Variants in MYO9A observed in about 807,000 individuals in gnomAD.
MYO9A encodes the protein unconventional myosin-IXa.
A neutral mutation model predicts 293.3 loss-of-function variants in MYO9A; 103 were observed. The ratio of observed to expected loss-of-function variants is 0.35; its 90% CI spans 0.30 to 0.41. The LOEUF (loss-of-function observed/expected upper bound fraction) is 0.41. Among genes scored for constraint, MYO9A ranks in the 10% least tolerant of loss-of-function variants. The pLI is 1.00. For missense variants in MYO9A, 2,685 were observed against 3,033.0 expected (o/e 0.89, Z 2.69); for synonymous variants, 1,001 against 1,035.7 (o/e 0.97, Z 0.64).
chr15:71,941,464 C>A (rs550024958), intron 15 of MYO9A, among the ~76,000 whole-genome samples: 1 of 152,198 alleles, frequency 6.6e-6, no homozygotes, highest in East Asian at 1.9e-4. Context: ...ACAACAAACC[C>A]ATCAGATCCC....
intron 19 of MYO9A, among the ~76,000 whole-genome samples, chr15:71,913,531 A>C (rs1282519988): frequency 1.3e-5 from 2 of 152,158 alleles, no homozygotes; most frequent in Non-Finnish European, 2.9e-5. Context: ...AGCTAATTTG[A>C]CATTCTTACT....
intron 1 of MYO9A, among the ~76,000 whole-genome samples, chr15:72,062,255 A>C (rs997803733): frequency 6.6e-6 from 1 of 152,216 alleles, no homozygotes; most frequent in Non-Finnish European, 1.5e-5. Context: ...AAGCCCAGAC[A>C]GCAAAGGTTA....
Position 71,991,501 on chromosome 15 carries a change from T to C in MYO9A, c.1588-264A>G, listed in dbSNP as rs577462603. Among the ~76,000 whole-genome samples, 35 of 152,296 alleles carry C rather than the reference T, an allele frequency of 2.3e-4. 1 individual carries two copies. In the East Asian group the frequency reaches 4.8e-3, roughly 21 times the overall value. On this transcript the variant is annotated intron_variant, in intron 10 of 41. Coordinates refer to ENST00000356056, the MANE Select transcript of MYO9A (RefSeq NM_006901.4). The stretch of plus-strand genomic sequence containing the variant: ...AATATGTGAAGCAAGGTTAGTGGCC[T>C]TTTATCTTAAGAAACCTCAGAAATC...
At chr15:71,906,644 G>T (rs1374760010) in intron 19 of MYO9A, among the ~76,000 whole-genome samples, 1 of 148,224 alleles carries the variant, frequency 6.7e-6, no homozygotes, top group Non-Finnish European at 1.5e-5. Context: ...TTGTTCGCAT[G>T]GTTTATTTTT....
rs372262938 is a variant in MYO9A at position 72,046,007 on chromosome 15, A to G, written c.557T>C (p.Ile186Thr). The change falls in exon 2 of 42, where the codon ATT (isoleucine) becomes ACT (threonine). Residue 186 changes from isoleucine to threonine, a missense_variant. By Grantham distance (89) the Ile-to-Thr change is moderately conservative (BLOSUM62 -1). This residue lies in a region of MYO9A where 289 missense variants were observed against 456.8 expected (regional missense o/e 0.63). Transcript: ENST00000356056. ...AATAGGAAGAAACTTGAATGGGTTAATAACTATTAGAATACTGCCAACATA... is the reference window on the plus strand; with the variant it reads ...AATAGGAAGAAACTTGAATGGGTTAGTAACTATTAGAATACTGCCAACATA... Reference protein sequence around the residue: ...YTYVGSILIVINPFKFLPIYN... With the variant: ...YTYVGSILIVTNPFKFLPIYN... The G allele has an allele frequency of 2.2e-5, 36 of 1,614,136 alleles. No individual in the cohort carries two copies. Among genetic ancestry groups the G allele is most frequent in the Admixed American group, 8.3e-5 (5 of 60,022 alleles).
chr15:72,017,550 T>C (rs1396614701), intron 6 of MYO9A, among the ~76,000 whole-genome samples: 1 of 152,192 alleles, frequency 6.6e-6, no homozygotes, highest in Non-Finnish European at 1.5e-5. Context: ...TCAGAATCTA[T>C]AAATTTATAT....
chr15:72,051,209 T>C (rs1191890290), intron 1 of MYO9A, among the ~76,000 whole-genome samples: 2 of 152,146 alleles, frequency 1.3e-5, no homozygotes, highest in Non-Finnish European at 2.9e-5. Context: ...GGACTGTAAG[T>C]GCATGCCACC....
chr15:72,012,197 GTTCT>G (rs1246101355), intron 6 of MYO9A, among the ~76,000 whole-genome samples: 1 of 152,122 alleles, frequency 6.6e-6, no homozygotes, highest in Admixed American at 6.5e-5. Context: ...CACAAGTAAA[GTTCT>G]TTCTGAGAAC....
At chr15:72,044,907 T>C (rs945802121) in intron 2 of MYO9A, among the ~76,000 whole-genome samples, 2 of 152,138 alleles carry the variant, frequency 1.3e-5, no homozygotes, top group African/African-American at 4.8e-5. Context: ...CCCAAAGACA[T>C]TCTCTTTAAA....
intron 6 of MYO9A, among the ~76,000 whole-genome samples, chr15:72,012,070 G>C (rs951848677): frequency 1.3e-5 from 2 of 152,126 alleles, no homozygotes; most frequent in African/African-American, 4.8e-5. Flanking sequence ...TTTAGGCACT[G>C]TAAGCATTAG....
chr15:72,021,363 T>C (rs1357585195), intron 4 of MYO9A, among the ~76,000 whole-genome samples: 1 of 152,148 alleles, frequency 6.6e-6, no homozygotes, highest in Non-Finnish European at 1.5e-5. Flanking sequence ...GAGTGTTTAC[T>C]CAATAAAAAG....
At chr15:71,955,357 G>A (rs944755216) in intron 14 of MYO9A, among the ~76,000 whole-genome samples, 1 of 152,192 alleles carries the variant, frequency 6.6e-6, no homozygotes, top group African/African-American at 2.4e-5. Flanking sequence ...TTGAACTCCT[G>A]ACCTCAGGTG....
intron 1 of MYO9A, among the ~76,000 whole-genome samples, chr15:72,063,155 T>C (rs992282000): frequency 5.6e-4 from 85 of 152,192 alleles, no homozygotes; most frequent in Non-Finnish European, 6.3e-4. Flanking sequence ...GGAAAAGACA[T>C]TCTCTTCAAT....
chr15:71,862,543 A>G lies in MYO9A; in HGVS notation c.6048T>C (p.Cys2016=). The G allele has an allele frequency of 1.2e-6, 2 of 1,613,170 alleles. No homozygotes were observed. The highest frequency in any genetic ancestry group is 1.7e-6 in the Non-Finnish European group (2 of 1,179,244). Residue 2016 remains cysteine (C), a synonymous_variant, in exon 33 of 42, where the codon TGT becomes TGC. Coordinates refer to ENST00000356056, the MANE Select transcript of MYO9A (RefSeq NM_006901.4). ...QYSIPTYCEY[C]SSLIWIMDRA... is the part of the protein sequence containing the mutation. ...GGTCCATTATCCATATCAAAGAAGA[A>G]CAGTATTCACAGTATGTAGGGATGC...
intron 32 of MYO9A, among the ~76,000 whole-genome samples, chr15:71,866,725 G>C (rs990390967): frequency 6.6e-6 from 1 of 151,934 alleles, no homozygotes; most frequent in African/African-American, 2.4e-5. Context: ...AGTTGGAATG[G>C]CTCACGACTA....
intron 1 of MYO9A, among the ~76,000 whole-genome samples, chr15:72,110,285 A>C (rs1014273130): frequency 6.6e-6 from 1 of 151,786 alleles, no homozygotes; most frequent in Admixed American, 6.6e-5. Context: ...AAAATACAAA[A>C]ATTAGCTGGG....
At chr15:71,958,432 T>C (rs187468658) in intron 14 of MYO9A, 1 of 152,316 alleles carries the variant, frequency 6.6e-6, no homozygotes, top group Non-Finnish European at 1.5e-5. Context: ...GACACTGATA[T>C]ATTGTAATAT....
chr15:71,927,806 A>G (rs988243898), intron 18 of MYO9A, among the ~76,000 whole-genome samples: 1 of 150,892 alleles, frequency 6.6e-6, no homozygotes, highest in African/African-American at 2.4e-5. Context: ...GTGGGGTGAG[A>G]TATGGTCCCA....
At chr15:72,098,789 T>A (rs2080152365) in intron 1 of MYO9A, among the ~76,000 whole-genome samples, 1 of 151,770 alleles carries the variant, frequency 6.6e-6, no homozygotes, top group Non-Finnish European at 1.5e-5. Flanking sequence ...CTGGGCAATA[T>A]AATGAGACCA....
Sources: gnomAD v4.1 joint callset for allele counts (sites outside exome capture counted in the v4.1 genomes callset) on GRCh38, gnomAD v4.1.1 for gene constraint, gnomAD v4.1.1 regional missense constraint, MANE v1.5 for transcripts, NCBI Gene and HGNC (gene_info 2026-07-23, HGNC 2026-07-21) for gene names.